Variants in FSTL4 observed in about 807,000 individuals in gnomAD.
FSTL4 encodes the protein follistatin-related protein 4.
A neutral mutation model predicts 78.2 loss-of-function variants in FSTL4; 28 were observed. The ratio of observed to expected loss-of-function variants is 0.36; its 90% CI spans 0.27 to 0.49. The LOEUF is 0.49. Among genes scored for constraint, FSTL4 ranks in the 20% least tolerant of loss-of-function variants. FSTL4 has a pLI of 0.98. For synonymous variants in FSTL4, 422 were observed against 440.5 expected (o/e 0.96, Z 0.53); for missense variants, 922 against 1,084.9 (o/e 0.85, Z 2.11).
chr5:133,509,428 C>A (rs957294954), intron 3 of FSTL4, among the ~76,000 whole-genome samples: 2 of 152,144 alleles, frequency 1.3e-5, no homozygotes, highest in Admixed American at 1.3e-4. Context: ...CAGAGAGGAG[C>A]CTTTGTGGTC....
intron 3 of FSTL4, among the ~76,000 whole-genome samples, chr5:133,459,002 T>G (rs946922395): frequency 6.6e-6 from 1 of 152,172 alleles, no homozygotes; most frequent in East Asian, 1.9e-4. Context: ...AGGCTGGTGC[T>G]GATGGATGGC....
the FSTL4 span, among the ~76,000 whole-genome samples, chr5:133,669,522 C>T: frequency 1.3e-5 from 2 of 152,164 alleles, no homozygotes; most frequent in African/African-American, 4.8e-5. Context: ...TCAGCAAGGG[C>T]TGAAGTGTGC....
chr5:133,552,086 G>T (rs575441768), intron 3 of FSTL4, among the ~76,000 whole-genome samples: 7 of 152,316 alleles, frequency 4.6e-5, no homozygotes, highest in African/African-American at 1.7e-4. Flanking sequence ...GGAGGGCTGA[G>T]GAGGTAAAGG....
At chr5:133,284,467 A>C (rs1278158233) in intron 6 of FSTL4, among the ~76,000 whole-genome samples, 1 of 152,222 alleles carries the variant, frequency 6.6e-6, no homozygotes, top group Non-Finnish European at 1.5e-5. Flanking sequence ...GGCAGAGGGC[A>C]GCAGTAGTTT....
At chr5:133,272,337 G>A (rs1752785490) in intron 6 of FSTL4, among the ~76,000 whole-genome samples, 2 of 152,236 alleles carry the variant, frequency 1.3e-5, no homozygotes, top group Non-Finnish European at 2.9e-5. Context: ...TTAACGCATT[G>A]TTTGTCTGTG....
chr5:133,667,124 G>A, the FSTL4 span, among the ~76,000 whole-genome samples: 7 of 152,072 alleles, frequency 4.6e-5, no homozygotes, highest in Admixed American at 1.3e-4. Flanking sequence ...TCTCCGTCTC[G>A]ACAAAAGGCC....
chr5:133,546,719 G>A (rs1759582071), intron 3 of FSTL4, among the ~76,000 whole-genome samples: 1 of 152,044 alleles, frequency 6.6e-6, no homozygotes, highest in Admixed American at 6.6e-5. Flanking sequence ...ATGGTTTCAG[G>A]AAATGAGCCC....
At chr5:133,817,832 G>A in the FSTL4 span, among the ~76,000 whole-genome samples, 4 of 152,316 alleles carry the variant, frequency 2.6e-5, no homozygotes, top group South Asian at 6.2e-4. Flanking sequence ...ACCTGGCACA[G>A]TACTAAGTGC....
intron 13 of FSTL4, among the ~76,000 whole-genome samples, chr5:133,216,883 C>G (rs2126781317): frequency 6.6e-6 from 1 of 152,336 alleles, no homozygotes; most frequent in East Asian, 1.9e-4. Flanking sequence ...TCGGTCCTAC[C>G]TGGCATCTCA....
intron 2 of FSTL4, among the ~76,000 whole-genome samples, chr5:133,577,046 T>C (rs1760298614): frequency 6.6e-6 from 1 of 152,192 alleles, no homozygotes; most frequent in South Asian, 2.1e-4. Flanking sequence ...CCACTTACTG[T>C]GCACACAGTA....
intron 3 of FSTL4, among the ~76,000 whole-genome samples, chr5:133,407,867 G>A (rs1467378198): frequency 6.6e-6 from 1 of 152,214 alleles, no homozygotes; most frequent in Non-Finnish European, 1.5e-5. Flanking sequence ...GTGAGCATAT[G>A]TTAAAGCTGT....
intron 7 of FSTL4, among the ~76,000 whole-genome samples, chr5:133,243,272 C>G (rs1561639900): frequency 6.6e-6 from 1 of 152,078 alleles, no homozygotes; most frequent in Non-Finnish European, 1.5e-5. Context: ...GTGGCTCTTT[C>G]AAGTCATTTG....
the FSTL4 span, among the ~76,000 whole-genome samples, chr5:133,645,124 A>G: frequency 2.0e-5 from 3 of 151,790 alleles, no homozygotes; most frequent in East Asian, 5.8e-4. Flanking sequence ...AAATCTCTTC[A>G]TTTGACCCAT....
intron 4 of FSTL4, among the ~76,000 whole-genome samples, chr5:133,318,596 G>A (rs546863609): frequency 5.3e-5 from 8 of 152,322 alleles, no homozygotes; most frequent in Admixed American, 6.5e-5. Context: ...CAGCCCCCAG[G>A]ACTTCCTGGA....
chr5:133,812,057 G>A, the FSTL4 span, among the ~76,000 whole-genome samples: 5 of 152,170 alleles, frequency 3.3e-5, no homozygotes, highest in Non-Finnish European at 5.9e-5. Flanking sequence ...CAGCTGCTCA[G>A]GATAAACATC....
At chr5:133,267,068 G>A (rs1160571088) in intron 6 of FSTL4, among the ~76,000 whole-genome samples, 2 of 152,226 alleles carry the variant, frequency 1.3e-5, no homozygotes, top group Non-Finnish European at 2.9e-5. Context: ...CACACGTGGA[G>A]TCTTCCCAAT....
intron 3 of FSTL4, among the ~76,000 whole-genome samples, chr5:133,449,140 C>G (rs1270926491): frequency 2.0e-5 from 3 of 152,196 alleles, no homozygotes; most frequent in African/African-American, 7.2e-5. Flanking sequence ...ACAGAACGAT[C>G]CGCCCCACGT....
At chr5:133,553,309 C>T (rs1230871861) in intron 3 of FSTL4, among the ~76,000 whole-genome samples, 2 of 152,196 alleles carry the variant, frequency 1.3e-5, no homozygotes, top group Non-Finnish European at 2.9e-5. Context: ...ACATGTTCCC[C>T]TCCCATCAAG....
intron 3 of FSTL4, among the ~76,000 whole-genome samples, chr5:133,461,780 C>T (rs944048643): frequency 6.6e-5 from 10 of 152,168 alleles, no homozygotes; most frequent in South Asian, 2.1e-4. Context: ...GATCAGCCTG[C>T]GTAATAAGTC....
Sources: allele counts gnomAD v4.1 joint callset (sites outside exome capture counted in the v4.1 genomes callset), GRCh38; gene constraint gnomAD v4.1.1; transcripts MANE v1.5; gene names NCBI Gene and HGNC (gene_info 2026-07-23, HGNC 2026-07-21).